The following LYST variants were observed in gnomAD, a reference collection of about 807,000 sequenced individuals.
LYST encodes the protein lysosomal trafficking regulator.
A neutral mutation model predicts 413.6 loss-of-function variants in LYST; 192 were observed. That is an observed-to-expected ratio of 0.46 (90% CI 0.41 to 0.52). LYST has a LOEUF of 0.52. Ranked by LOEUF, LYST falls within the 20% of genes least tolerant of loss-of-function variation. The probability of loss-of-function intolerance (pLI) is 0.00; values close to 1 mark genes in which losing one functional copy is unlikely to be tolerated. For synonymous variants in LYST, 1,525 were observed against 1,567.3 expected (o/e 0.97, Z 0.64); for missense variants, 3,815 against 4,499.9 (o/e 0.85, Z 4.35).
At chr1:235,741,690 C>G in intron 30 of LYST, 62 bp from the exon 31 acceptor site, 1 of 1,165,932 alleles carries the variant, frequency 8.6e-7, no homozygotes, top group East Asian at 2.4e-5. Flanking sequence ...CCATGCTAGC[C>G]TCAACACAGC....
intron 44 of LYST, among the ~76,000 whole-genome samples, chr1:235,707,257 G>C (rs1228098316): frequency 6.6e-6 from 1 of 152,002 alleles, no homozygotes. Flanking sequence ...CCAGCACCTA[G>C]CAAAATAAAT....
At position 235,777,108 on chromosome 1, in the gene LYST, C is replaced by T. The variant is rs1033221902; in HGVS notation, c.5415G>A (p.Leu1805=). 2.5e-6 allele frequency: 4 copies of T among 1,613,204 alleles called. No homozygotes were observed. Among genetic ancestry groups the T allele is most frequent in the Non-Finnish European group, 3.4e-6 (4 of 1,179,448 alleles). The change falls in exon 17 of 53, where the codon CTG becomes CTA. Residue 1805 remains leucine, a synonymous_variant. Transcript: ENST00000389793. Reference sequence around the variant, plus strand: ...ATATGCCAGTTCCACCAATTTCGTGCAGAATGCCTTGAATAGTTTTATATT... The same window carrying T: ...ATATGCCAGTTCCACCAATTTCGTGTAGAATGCCTTGAATAGTTTTATATT... The part of the protein sequence containing the change: ...PTEYKTIQGI[L]HEIGGTGIFV...
At position 235,806,383 on chromosome 1, in the gene LYST, T is replaced by G; in HGVS notation, c.2753A>C (p.Glu918Ala). The part of the protein sequence containing the change: ...CVSKEAESDR[E>A]SANDSEDTSG... Reference sequence around the variant, plus strand: ...AGTATCTTCTGAGTCATTGGCCGACTCCCTGTCAGACTCTGCTTCTTTACT... The same window carrying G: ...AGTATCTTCTGAGTCATTGGCCGACGCCCTGTCAGACTCTGCTTCTTTACT... Residue 918 changes from glutamate to alanine, a missense_variant, in exon 6 of 53, where the codon GAG becomes GCG. Around this residue, in one of 4 missense-constraint regions of LYST, gnomAD observed 1,648 missense variants for 1,810.3 expected, o/e 0.91. Coordinates refer to ENST00000389793, the MANE Select transcript of LYST (RefSeq NM_000081.4). 1.2e-6 allele frequency: 2 copies of G among 1,614,036 alleles called. No homozygotes were observed. Among genetic ancestry groups the G allele is most frequent in the South Asian group, 2.2e-5 (2 of 91,072 alleles).
chr1:235,698,837 C>T (rs149733805), intron 45 of LYST, among the ~76,000 whole-genome samples: 4 of 152,220 alleles, frequency 2.6e-5, no homozygotes, highest in Non-Finnish European at 5.9e-5. Context: ...CACGCCACTG[C>T]ACTTCAGTCT....
intron 34 of LYST, among the ~76,000 whole-genome samples, chr1:235,732,001 A>G (rs578241546): frequency 9.8e-5 from 15 of 152,292 alleles, no homozygotes; most frequent in Middle Eastern, 3.4e-3. Context: ...TTAGAAATAA[A>G]TAAGAGAAAA....
At chr1:235,698,719 A>C (rs1197736605) in intron 45 of LYST, among the ~76,000 whole-genome samples, 3 of 152,056 alleles carry the variant, frequency 2.0e-5, no homozygotes, top group African/African-American at 7.3e-5. Context: ...AAAATACAAA[A>C]AAATTTAACT....
Position 235,762,940 on chromosome 1 carries a change from T to C in LYST, c.6122-89A>G, listed in dbSNP as rs552403305. The C allele has an allele frequency of 5.9e-4, 588 of 993,018 alleles. 9 individuals are homozygous for C. In the South Asian group the frequency reaches 7.8e-3, roughly 13 times the overall value. The allele number at this position is 993,018 out of a possible 1,614,324, so 61.5% of individuals were successfully genotyped here. ...TTAAAAGCAGATCATTAAATTCAAA[T>C]TTTGACAAAAAGATGTTTAAAGAGA... On this transcript the variant is annotated intron_variant, in intron 21 of 52. Coordinates refer to ENST00000389793, the MANE Select transcript of LYST (RefSeq NM_000081.4).
intron 13 of LYST, 67 bp from the exon 14 acceptor site, chr1:235,787,440 T>C (rs1474139975): frequency 8.5e-7 from 1 of 1,175,246 alleles, no homozygotes; most frequent in African/African-American, 1.5e-5. Flanking sequence ...TTAACATACA[T>C]ATAGTAACTA....
rs180911013 is a variant in LYST at position 235,759,087 on chromosome 1, A to T, written c.6766T>A (p.Ser2256Thr). Residue 2256 changes from serine to threonine, a missense_variant, in exon 23 of 53, where the codon TCT becomes ACT. By Grantham distance (58) the Ser-to-Thr change is moderately conservative (BLOSUM62 1). Transcript: ENST00000389793. ...LGLAFPSQNG[S>T]AAVGRWPSLV... Reference sequence around the variant, plus strand: ...CTTGGCCAACGGCCAACAGCTGCAGATCCGTTCTGTGAAGGAAAAGCTAGC... The same window carrying T: ...CTTGGCCAACGGCCAACAGCTGCAGTTCCGTTCTGTGAAGGAAAAGCTAGC... The T allele has an allele frequency of 4.3e-6, 7 of 1,614,160 alleles. No homozygotes were observed. Among genetic ancestry groups the T allele is most frequent in the Non-Finnish European group, 5.9e-6 (7 of 1,180,008 alleles).
upstream of LYST, among the ~76,000 whole-genome samples, chr1:235,869,194 C>T (rs10754797): frequency 0.76 from 114,922 of 152,080 alleles, 43,429 homozygotes; most frequent in East Asian, 0.88. Context: ...TCTACTTGGC[C>T]GGGCGCAGTG....
chr1:235,729,764 G>T, intron 36 of LYST, 107 bp from the exon 37 acceptor site: 1 of 780,496 alleles, frequency 1.3e-6, no homozygotes. Context: ...AGACTAGATA[G>T]AGTTCCAATA....
chr1:235,818,933 A>G (rs1340196654), intron 3 of LYST, among the ~76,000 whole-genome samples: 1 of 152,202 alleles, frequency 6.6e-6, no homozygotes, highest in Non-Finnish European at 1.5e-5. Context: ...GCTCAGACCC[A>G]GCAACACCTC....
chr1:235,681,042 G>A (rs776818754), intron 48 of LYST, among the ~76,000 whole-genome samples: 3 of 152,174 alleles, frequency 2.0e-5, no homozygotes, highest in Non-Finnish European at 2.9e-5. Flanking sequence ...TTCCCCTCTG[G>A]CAGCTCCATG....
chr1:235,731,074 T>C lies in LYST; in HGVS notation c.8905A>G (p.Ile2969Val), dbSNP rs771907395. Residue 2969 changes from isoleucine (I) to valine (V), a missense_variant, in exon 35 of 53, where the codon ATT (isoleucine) becomes GTT (valine). Around this residue, in one of 4 missense-constraint regions of LYST, gnomAD observed 866 missense variants for 1,156.0 expected, o/e 0.75. Transcript: ENST00000389793. The part of the protein sequence containing the change: ...RRRLQRCYLT[I>V]PNKYLLRDRQ... ...TCCCTAAGGAGATACTTATTTGGAA[T>C]AGTTAAATAACATCTCTGTAAACGT... is the stretch of plus-strand genomic sequence containing the variant. The C allele has an allele frequency of 3.1e-6, 5 of 1,613,708 alleles. No homozygotes were observed. Among genetic ancestry groups the C allele is most frequent in the South Asian group, 1.1e-5 (1 of 91,082 alleles).
intron 23 of LYST, among the ~76,000 whole-genome samples, chr1:235,758,627 C>G (rs1432090137): frequency 6.6e-6 from 1 of 152,146 alleles, no homozygotes; most frequent in Non-Finnish European, 1.5e-5. Context: ...CACATGAGCA[C>G]CAAGTGGACA....
intron 25 of LYST, among the ~76,000 whole-genome samples, chr1:235,755,213 C>A (rs367856185): frequency 1.3e-4 from 20 of 150,608 alleles, no homozygotes; most frequent in African/African-American, 4.6e-4. Flanking sequence ...CATGGTGAAA[C>A]CCCATCTCTA....
At chr1:235,716,816 G>A in intron 40 of LYST, 38 bp from the exon 41 acceptor site, 1 of 1,258,410 alleles carries the variant, frequency 7.9e-7, no homozygotes, top group Non-Finnish European at 1.2e-6. Context: ...TAAATATTTT[G>A]ATACTGTCAA....
intron 40 of LYST, among the ~76,000 whole-genome samples, chr1:235,719,506 A>G (rs1353464512): frequency 1.3e-5 from 2 of 152,150 alleles, no homozygotes; most frequent in African/African-American, 2.4e-5. Flanking sequence ...TGAAACCATT[A>G]GGTACAAATT....
At chr1:235,737,915 G>GAA in intron 31 of LYST, 13 of 1,160,568 alleles carry the variant, frequency 1.1e-5, no homozygotes, top group East Asian at 4.2e-5. Flanking sequence ...CGCTGCCGAC[G>GAA]AGTCTGGATC....
Sources: gnomAD v4.1 joint callset for allele counts (sites outside exome capture counted in the v4.1 genomes callset) on GRCh38, gnomAD v4.1.1 for gene constraint, gnomAD v4.1.1 regional missense constraint, MANE v1.5 for transcripts, NCBI Gene and HGNC (gene_info 2026-07-23, HGNC 2026-07-21) for gene names.